The following SPATS2L variants were observed in gnomAD, a reference collection of about 807,000 sequenced individuals.
SPATS2L encodes SPATS2-like protein.
SPATS2L carries 30 observed loss-of-function variants against 59.6 expected under a neutral mutation model. That is an observed-to-expected ratio of 0.50 (90% confidence interval 0.38 to 0.68). The LOEUF is 0.68. Among genes scored for constraint, SPATS2L ranks in the 30% least tolerant of loss-of-function variants. The pLI, the probability that SPATS2L is intolerant of heterozygous loss-of-function variation, is 0.00. For missense variants in SPATS2L, 615 were observed against 700.0 expected (o/e 0.88, Z 1.37); for synonymous variants, 252 against 263.5 (o/e 0.96, Z 0.42).
At chr2:200,431,777 A>G (rs962348467) in intron 6 of SPATS2L, among the ~76,000 whole-genome samples, 3 of 152,244 alleles carry the variant, frequency 2.0e-5, no homozygotes, top group African/African-American at 7.2e-5. Context: ...TACATACATA[A>G]TGAAAACTTT....
chr2:200,422,660 G>T (rs569162551), intron 6 of SPATS2L, among the ~76,000 whole-genome samples: 1 of 152,038 alleles, frequency 6.6e-6, no homozygotes, highest in Non-Finnish European at 1.5e-5. Context: ...CATTTGTTAT[G>T]ATTATAAATT....
intron 6 of SPATS2L, 61 bp downstream of exon 6, chr2:200,419,557 C>T: frequency 6.4e-7 from 1 of 1,561,324 alleles, no homozygotes; most frequent in Non-Finnish European, 8.8e-7. Flanking sequence ...ACAAAGGGAG[C>T]TCATTGGGGC....
chr2:200,473,954 C>T (rs944865991), intron 12 of SPATS2L, among the ~76,000 whole-genome samples: 1 of 151,754 alleles, frequency 6.6e-6, no homozygotes, highest in Non-Finnish European at 1.5e-5. Flanking sequence ...GAGCCAAGAT[C>T]GCACCACTGC....
intron 2 of SPATS2L, among the ~76,000 whole-genome samples, chr2:200,347,240 T>C (rs1559056244): frequency 6.6e-6 from 1 of 152,198 alleles, no homozygotes; most frequent in Non-Finnish European, 1.5e-5. Context: ...ATTCTGATTT[T>C]ATTCAAAGGG....
intron 1 of SPATS2L, among the ~76,000 whole-genome samples, chr2:200,311,223 A>G (rs2105744755): frequency 6.6e-6 from 1 of 152,352 alleles, no homozygotes; most frequent in Non-Finnish European, 1.5e-5. Flanking sequence ...TTAGAAATTC[A>G]TGTTGACATT....
intron 1 of SPATS2L, among the ~76,000 whole-genome samples, chr2:200,310,271 C>G (rs913591352): frequency 6.6e-6 from 1 of 152,200 alleles, no homozygotes; most frequent in Non-Finnish European, 1.5e-5. Flanking sequence ...GTTTAGCATT[C>G]TCTTCATCAC....
chr2:200,329,300 C>T, intron 1 of SPATS2L, 131 bp from the exon 2 acceptor site: 1 of 742,442 alleles, frequency 1.3e-6, no homozygotes, highest in Non-Finnish European at 2.3e-6. Context: ...GCTGTTAAGT[C>T]ATGGGTGAGG....
intron 3 of SPATS2L, among the ~76,000 whole-genome samples, chr2:200,397,160 C>T (rs887397777): frequency 2.1e-4 from 32 of 152,360 alleles, no homozygotes; most frequent in African/African-American, 7.5e-4. Context: ...TCCACCCCCA[C>T]TCCTTCCAGT....
chr2:200,406,664 G>C (rs1418806497), intron 3 of SPATS2L, among the ~76,000 whole-genome samples: 1 of 152,120 alleles, frequency 6.6e-6, no homozygotes, highest in Non-Finnish European at 1.5e-5. Flanking sequence ...ACTGTGTTCT[G>C]ATTGCTTCCT....
At chr2:200,423,387 C>G (rs1007083342) in intron 6 of SPATS2L, among the ~76,000 whole-genome samples, 3 of 152,100 alleles carry the variant, frequency 2.0e-5, no homozygotes, top group Non-Finnish European at 2.9e-5. Flanking sequence ...CACTCTGTAC[C>G]CCATTTTGAG....
upstream of SPATS2L, chr2:200,306,103 G>A (rs923367740): frequency 1.0e-6 from 1 of 986,256 alleles, no homozygotes; most frequent in Non-Finnish European, 1.2e-6. Flanking sequence ...CCCCGGGTTG[G>A]TCGGGTTTCC....
intron 2 of SPATS2L, among the ~76,000 whole-genome samples, chr2:200,374,297 C>T (rs1293807060): frequency 6.6e-6 from 1 of 152,158 alleles, no homozygotes; most frequent in African/African-American, 2.4e-5. Context: ...CACTTTCGCT[C>T]TTCCTCATAC....
At chr2:200,402,363 C>T (rs1244599473) in intron 3 of SPATS2L, among the ~76,000 whole-genome samples, 1 of 152,216 alleles carries the variant, frequency 6.6e-6, no homozygotes, top group Non-Finnish European at 1.5e-5. Flanking sequence ...AGTCCCCCTC[C>T]TTTTCATACT....
intron 8 of SPATS2L, among the ~76,000 whole-genome samples, chr2:200,448,750 C>G (rs1208968703): frequency 6.6e-6 from 1 of 152,068 alleles, no homozygotes; most frequent in Non-Finnish European, 1.5e-5. Flanking sequence ...TTTTTCTCCC[C>G]ACCCCCAACA....
At chr2:200,369,069 T>C (rs1398509847) in intron 2 of SPATS2L, among the ~76,000 whole-genome samples, 1 of 99,558 alleles carries the variant, frequency 1.0e-5, no homozygotes, top group Non-Finnish European at 1.9e-5. Flanking sequence ...ATTAGAGATT[T>C]GATAGTTCTA....
intron 8 of SPATS2L, among the ~76,000 whole-genome samples, chr2:200,449,296 A>C (rs2085279919): frequency 6.6e-6 from 1 of 152,202 alleles, no homozygotes; most frequent in Admixed American, 6.5e-5. Flanking sequence ...TGGCCTTTTC[A>C]GTTTAGGTAT....
At chr2:200,445,085 T>A (rs2084945001) in intron 8 of SPATS2L, among the ~76,000 whole-genome samples, 1 of 151,918 alleles carries the variant, frequency 6.6e-6, no homozygotes, top group Non-Finnish European at 1.5e-5. Flanking sequence ...ATCCTAGCAC[T>A]TTGGGAGGCT....
intron 10 of SPATS2L, 121 bp from the exon 11 acceptor site, chr2:200,469,793 A>G: frequency 7.0e-6 from 5 of 718,500 alleles, no homozygotes; most frequent in Non-Finnish European, 1.2e-5. Flanking sequence ...ACAGGGCTGG[A>G]AAGATCCCCA....
At chr2:200,305,993 C>A, upstream of SPATS2L, 1 of 979,254 alleles carries the variant, frequency 1.0e-6, no homozygotes, top group Non-Finnish European at 1.2e-6. Context: ...CAGGCAGAAA[C>A]CCACGGCTGA....
Sources: allele counts gnomAD v4.1 joint callset (sites outside exome capture counted in the v4.1 genomes callset), GRCh38; gene constraint gnomAD v4.1.1; transcripts MANE v1.5; gene names NCBI Gene and HGNC (gene_info 2026-07-23, HGNC 2026-07-21).